Variants in CACNA2D1 observed in about 807,000 individuals in gnomAD.
The protein encoded by CACNA2D1 is calcium voltage-gated channel auxiliary subunit alpha2delta 1, also known as voltage-dependent calcium channel subunit alpha-2/delta-1.
In CACNA2D1, 53 loss-of-function variants were observed where a neutral mutation model predicts 171.5. The ratio of observed to expected loss-of-function variants is 0.31; its 90% CI spans 0.25 to 0.39. The LOEUF (loss-of-function observed/expected upper bound fraction) is 0.39, where lower values mean the gene tolerates loss of function less well. CACNA2D1 is among the 10% of genes least tolerant of loss of function. The pLI is 1.00. For missense variants in CACNA2D1, 903 were observed against 1,299.8 expected (o/e 0.69, Z 4.69); for synonymous variants, 442 against 443.1 (o/e 1.00, Z 0.03).
chr7:82,000,167 G>A (rs1472643385), intron 18 of CACNA2D1, among the ~76,000 whole-genome samples: 1 of 152,112 alleles, frequency 6.6e-6, no homozygotes, highest in Non-Finnish European at 1.5e-5. Context: ...GCTGAGGCAG[G>A]AGAATCATAT....
intron 1 of CACNA2D1, among the ~76,000 whole-genome samples, chr7:82,384,983 G>GC (rs1316066821): frequency 6.6e-6 from 1 of 152,144 alleles, no homozygotes; most frequent in African/African-American, 2.4e-5. Context: ...GCACACTTTA[G>GC]CCCCTACTGA....
At chr7:81,954,581 C>A (rs1259861985) in intron 38 of CACNA2D1, among the ~76,000 whole-genome samples, 1 of 152,062 alleles carries the variant, frequency 6.6e-6, no homozygotes, top group Non-Finnish European at 1.5e-5. Context: ...GAACCTGGGA[C>A]AACTAATTGC....
At chr7:82,370,268 C>G (rs1243198552) in intron 1 of CACNA2D1, among the ~76,000 whole-genome samples, 1 of 151,888 alleles carries the variant, frequency 6.6e-6, no homozygotes, top group Non-Finnish European at 1.5e-5. Flanking sequence ...AGCAATATGA[C>G]TGTCTACATA....
At chr7:81,956,738 T>C (rs1793405533) in intron 38 of CACNA2D1, among the ~76,000 whole-genome samples, 1 of 152,100 alleles carries the variant, frequency 6.6e-6, no homozygotes, top group Non-Finnish European at 1.5e-5. Context: ...ATCTAGTGGC[T>C]TCCTAATCAA....
At chr7:82,209,445 C>T (rs1287640786) in intron 3 of CACNA2D1, among the ~76,000 whole-genome samples, 1 of 152,122 alleles carries the variant, frequency 6.6e-6, no homozygotes, top group Non-Finnish European at 1.5e-5. Flanking sequence ...CACAATAGAC[C>T]TTGGTAGCAA....
In CACNA2D1 at chr7:82,007,757, C is replaced by G; in HGVS notation, c.1363-1G>C. 6.4e-7 allele frequency: 1 copy of G among 1,566,660 alleles called. No homozygotes were observed. The highest frequency in any genetic ancestry group is 8.8e-7 in the Non-Finnish European group (1 of 1,137,358). ...TTCCAGTAATGACAAGTCCCAGTTC[C>G]TAAAAATAGATTCAGAGAGAAAGGG... On this transcript the variant is annotated splice_acceptor_variant, in intron 15 of 38. Coordinates refer to ENST00000356860, the MANE Select transcript of CACNA2D1 (RefSeq NM_000722.4). LOFTEE classifies it high-confidence loss of function.
intron 5 of CACNA2D1, among the ~76,000 whole-genome samples, chr7:82,131,717 A>G (rs963797735): frequency 2.0e-5 from 3 of 152,208 alleles, no homozygotes; most frequent in Non-Finnish European, 4.4e-5. Flanking sequence ...TTTTTAATGA[A>G]GAATATGACA....
At chr7:82,130,850 G>A (rs1368870441) in intron 5 of CACNA2D1, among the ~76,000 whole-genome samples, 3 of 139,028 alleles carry the variant, frequency 2.2e-5, no homozygotes, top group Admixed American at 1.5e-4. Flanking sequence ...AGGCTGGAGT[G>A]CAGTGGCACA....
Position 82,379,548 on chromosome 7 carries a change from T to C in CACNA2D1, c.96-29899A>G, listed in dbSNP as rs181372112. ...ATCTGAACTTCTCTGAAAAGGACAT[T>C]TAGGAAAACGTGGTCTGTGTGTCTA... On this transcript the variant is annotated intron_variant, in intron 1 of 38. Transcript: ENST00000356860. Among the ~76,000 whole-genome samples the C allele has an allele frequency of 2.1e-3, 321 of 152,292 alleles. 5 individuals carry two copies. Among genetic ancestry groups the C allele is most frequent in the Non-Finnish European group, 1.9e-3 (129 of 68,018 alleles).
At chr7:82,055,548 C>T (rs988981856) in intron 10 of CACNA2D1, among the ~76,000 whole-genome samples, 8 of 151,416 alleles carry the variant, frequency 5.3e-5, no homozygotes, top group South Asian at 2.1e-4. Flanking sequence ...ATTAAGAAAA[C>T]GTGGCACATA....
intron 20 of CACNA2D1, among the ~76,000 whole-genome samples, chr7:81,992,330 G>T (rs934175516): frequency 1.3e-5 from 2 of 152,062 alleles, no homozygotes; most frequent in African/African-American, 4.8e-5. Flanking sequence ...GAAGAAATAA[G>T]TGTTAAAGAA....
Position 82,253,493 on chromosome 7 carries a change from G to T in CACNA2D1, c.294+81642C>A, listed in dbSNP as rs77808328. 8.1e-3 allele frequency among the ~76,000 whole-genome samples: 1,233 copies of T among 152,148 alleles called. 26 individuals carry two copies. The highest frequency in any genetic ancestry group is 0.028 in the African/African-American group (1,166 of 41,520). ...ATCAAGGGCATGATGAGAAAAACTG[G>T]CTCTGGAAGATGGTTTCAGGTTACA... is the stretch of plus-strand genomic sequence containing the variant. On this transcript the variant is annotated intron_variant, in intron 3 of 38. Transcript: ENST00000356860.
chr7:82,045,308 T>C (rs1428320183), intron 10 of CACNA2D1, among the ~76,000 whole-genome samples: 1 of 152,130 alleles, frequency 6.6e-6, no homozygotes, highest in Non-Finnish European at 1.5e-5. Flanking sequence ...AAAATGACCC[T>C]TCTCATATAT....
intron 3 of CACNA2D1, among the ~76,000 whole-genome samples, chr7:82,301,914 T>A (rs1257688914): frequency 6.6e-6 from 1 of 151,830 alleles, no homozygotes; most frequent in Non-Finnish European, 1.5e-5. Context: ...CCTGCCACCA[T>A]GCCTGGCTAA....
At chr7:82,164,722 A>G (rs1312254069) in intron 4 of CACNA2D1, among the ~76,000 whole-genome samples, 1 of 151,988 alleles carries the variant, frequency 6.6e-6, no homozygotes, top group Non-Finnish European at 1.5e-5. Flanking sequence ...TTTTTGAACA[A>G]GGATATGAAA....
At position 82,208,467 on chromosome 7, in the gene CACNA2D1, A is replaced by G. The variant is rs565732379; in HGVS notation, c.295-37858T>C. On this transcript the variant is annotated intron_variant, in intron 3 of 38. Coordinates refer to ENST00000356860, the MANE Select transcript of CACNA2D1 (RefSeq NM_000722.4). ...ATTCAAATAGCCTGAAATCAAATAT[A>G]AAATTATAATTAGATTAACAACTAC... Among the ~76,000 whole-genome samples the G allele has an allele frequency of 8.5e-5, 13 of 152,262 alleles. No homozygotes were observed. The South Asian group carries it at 2.7e-3, about 32-fold the overall frequency.
chr7:82,300,167 A>C (rs1307951683), intron 3 of CACNA2D1, among the ~76,000 whole-genome samples: 1 of 152,116 alleles, frequency 6.6e-6, no homozygotes, highest in Non-Finnish European at 1.5e-5. Flanking sequence ...GTAAAGAAAG[A>C]AAAAGTAAAT....
intron 1 of CACNA2D1, among the ~76,000 whole-genome samples, chr7:82,427,818 C>A (rs1288868035): frequency 1.3e-5 from 2 of 152,134 alleles, no homozygotes; most frequent in African/African-American, 2.4e-5. Context: ...TAGTTATGAA[C>A]CATTTTGAGG....
chr7:82,170,253 A>G (rs942521376), intron 4 of CACNA2D1, among the ~76,000 whole-genome samples: 7 of 151,778 alleles, frequency 4.6e-5, no homozygotes, highest in Non-Finnish European at 1.0e-4. Flanking sequence ...ATTTAATGCT[A>G]TTTTTAATGT....
Sources: gnomAD v4.1 joint callset for allele counts (sites outside exome capture counted in the v4.1 genomes callset) on GRCh38, gnomAD v4.1.1 for gene constraint, MANE v1.5 for transcripts, NCBI Gene and HGNC (gene_info 2026-07-23, HGNC 2026-07-21) for gene names.